SLC7A11: variants seen among roughly 807,000 people sequenced by gnomAD.
The protein encoded by SLC7A11 is cystine/glutamate transporter.
SLC7A11 carries 35 observed loss-of-function variants against 54.5 expected under a neutral mutation model. The ratio of observed to expected loss-of-function variants is 0.64; its 90% CI spans 0.49 to 0.85. The LOEUF is 0.85. Ranked by LOEUF, SLC7A11 falls within the 40% of genes least tolerant of loss-of-function variation. SLC7A11 has a pLI of 0.00. For missense variants in SLC7A11, 583 were observed against 618.1 expected, an observed-to-expected ratio of 0.94 and a Z score of 0.60; for synonymous variants, 230 against 225.2, an observed-to-expected ratio of 1.02 and a Z score of -0.19.
chr4:138,195,203 G>A (rs1304718050), intron 6 of SLC7A11, among the ~76,000 whole-genome samples: 1 of 152,152 alleles, frequency 6.6e-6, no homozygotes, highest in Non-Finnish European at 1.5e-5. Context: ...GGCTGTCTGT[G>A]GGATCAGGTC....
At chr4:138,197,007 A>T (rs527252458) in intron 6 of SLC7A11, among the ~76,000 whole-genome samples, 2 of 152,334 alleles carry the variant, frequency 1.3e-5, no homozygotes, top group Admixed American at 6.5e-5. Context: ...TAAGAATTTC[A>T]TTAAAATTTG....
chr4:138,220,790 G>A (rs535174708), intron 4 of SLC7A11, among the ~76,000 whole-genome samples: 152 of 152,298 alleles, frequency 1.0e-3, no homozygotes, highest in Non-Finnish European at 1.9e-3. Flanking sequence ...TGGATGATGT[G>A]TATGAGACAC....
intron 1 of SLC7A11, among the ~76,000 whole-genome samples, chr4:138,239,165 T>C (rs1280711781): frequency 6.6e-6 from 1 of 152,170 alleles, no homozygotes; most frequent in Non-Finnish European, 1.5e-5. Context: ...GGATCCAATA[T>C]AAAATGTTAT....
At chr4:138,177,940 A>G (rs1002351998) in intron 11 of SLC7A11, 1 of 152,130 alleles carries the variant, frequency 6.6e-6, no homozygotes, top group East Asian at 1.9e-4. Flanking sequence ...ACCAAAGTCA[A>G]TATTCTGTCT....
intron 2 of SLC7A11, among the ~76,000 whole-genome samples, chr4:138,233,503 T>G (rs371142372): frequency 6.6e-6 from 1 of 152,116 alleles, no homozygotes; most frequent in Non-Finnish European, 1.5e-5. Context: ...TAATTTCTTA[T>G]GCCAAACTTC....
In SLC7A11 at chr4:138,189,318, G is replaced by T. The variant is rs75855855; in HGVS notation, c.792-4074C>A. Among the ~76,000 whole-genome samples, 500 of 152,154 alleles carry T rather than the reference G, an allele frequency of 3.3e-3. 5 individuals carry two copies. The East Asian group carries it at 0.046, about 14-fold the overall frequency. On this transcript the variant is annotated intron_variant, in intron 6 of 11. Transcript: ENST00000280612. The stretch of plus-strand genomic sequence containing the variant: ...CGTTTGTGGAATGAGAAGGAGCATG[G>T]GCAAACAAAATTTACAACAACCCAT...
chr4:138,224,504 A>C lies in SLC7A11; in HGVS notation c.521-1180T>G, dbSNP rs186898818. On this transcript the variant is annotated intron_variant, in intron 3 of 11. Transcript: ENST00000280612. Reference sequence around the variant, plus strand: ...TTGGAAGTTTTCCTTATATATAGTAATGAGTCCGCCTCACAGTTTTCACTG... The same window carrying C: ...TTGGAAGTTTTCCTTATATATAGTACTGAGTCCGCCTCACAGTTTTCACTG... Among the ~76,000 whole-genome samples, 275 of 152,238 alleles carry C rather than the reference A, an allele frequency of 1.8e-3. 2 individuals carry two copies. The highest frequency in any genetic ancestry group is 6.1e-3 in the African/African-American group (253 of 41,546).
chr4:138,229,012 A>G (rs1365747718), intron 3 of SLC7A11, among the ~76,000 whole-genome samples: 1 of 152,104 alleles, frequency 6.6e-6, no homozygotes, highest in Non-Finnish European at 1.5e-5. Context: ...TCCCATTATC[A>G]TCTCTCAAAT....
rs900684040 is a variant in SLC7A11, at chr4:138,172,006, T to C, written c.1456A>G (p.Arg486Gly). 7.5e-6 allele frequency: 12 copies of C among 1,594,334 alleles called. No homozygotes were observed. Among genetic ancestry groups the C allele is most frequent in the Non-Finnish European group, 8.5e-6 (10 of 1,173,536 alleles). ...ACTTCCAGTATTATTTGTAATGTTC[T>C]GGTTATTTTCTCTACAAAGAAATAA... ...WFRIMSEKITRTLQIILEVVP... is the reference protein window; with the variant it reads ...WFRIMSEKITGTLQIILEVVP... Residue 486 changes from arginine to glycine, a missense_variant, in exon 12 of 12, where the codon AGA (arginine) becomes GGA (glycine). Physicochemically the swap from Arg to Gly is moderately radical, Grantham distance 125. Coordinates refer to ENST00000280612, the MANE Select transcript of SLC7A11 (RefSeq NM_014331.4).
intron 10 of SLC7A11, 140 bp from the exon 11 acceptor site, chr4:138,179,534 TTAG>T: frequency 3.2e-6 from 2 of 629,858 alleles, no homozygotes; most frequent in Non-Finnish European, 5.5e-6. Flanking sequence ...CCAACGTGCC[TTAG>T]TAGCAAAATC....
chr4:138,242,220 G>T lies in SLC7A11; in HGVS notation c.-151C>A. ...TGTTCACAGGTGAAAACTCAAAGGT[G>T]TGCTTTTTCCTTCACAGCGATCTAA... On this transcript the variant is annotated 5_prime_UTR_variant, in exon 1 of 12. Transcript: ENST00000280612. 1.1e-6 allele frequency: 1 copy of T among 874,024 alleles called. No homozygotes were observed. Among genetic ancestry groups the T allele is most frequent in the Non-Finnish European group, 1.7e-6 (1 of 582,174 alleles). The allele number at this position is 874,024 out of a possible 1,614,324, so 54.1% of individuals were successfully genotyped here.
intron 10 of SLC7A11, among the ~76,000 whole-genome samples, chr4:138,179,851 C>A (rs1736677594): frequency 6.6e-6 from 1 of 152,070 alleles, no homozygotes; most frequent in Non-Finnish European, 1.5e-5. Context: ...TTGAGATCCA[C>A]AATAATAACT....
At chr4:138,219,910 C>CA (rs1350987126) in intron 4 of SLC7A11, among the ~76,000 whole-genome samples, 19 of 151,108 alleles carry the variant, frequency 1.3e-4, no homozygotes, top group Non-Finnish European at 2.5e-4. Flanking sequence ...ATCCTGAAGA[C>CA]CATGTGTGTC....
chr4:138,229,172 C>T (rs143223633), intron 3 of SLC7A11, among the ~76,000 whole-genome samples: 3 of 152,280 alleles, frequency 2.0e-5, no homozygotes, highest in African/African-American at 7.2e-5. Context: ...GCAATTCATG[C>T]AATTCAACTC....
chr4:138,173,758 TA>T (rs1041248605), intron 11 of SLC7A11, among the ~76,000 whole-genome samples: 3 of 152,116 alleles, frequency 2.0e-5, no homozygotes, highest in Non-Finnish European at 4.4e-5. Context: ...CGGTAAATTA[TA>T]AACTCTGAGT....
intron 3 of SLC7A11, among the ~76,000 whole-genome samples, chr4:138,231,960 T>C (rs1160345769): frequency 2.0e-5 from 3 of 152,170 alleles, no homozygotes; most frequent in Non-Finnish European, 4.4e-5. Flanking sequence ...ATTCAAGTAG[T>C]CTCTAAAATA....
At chr4:138,226,235 T>TGCCTCAAAA (rs756996935) in intron 3 of SLC7A11, among the ~76,000 whole-genome samples, 1 of 152,028 alleles carries the variant, frequency 6.6e-6, no homozygotes, top group South Asian at 2.1e-4. Flanking sequence ...TAGAAAACAG[T>TGCCTCAAAA]ATGGAAGTGT....
chr4:138,179,191 G>A, intron 11 of SLC7A11, 26 bp downstream of exon 11: 1 of 1,504,082 alleles, frequency 6.6e-7, no homozygotes, highest in Non-Finnish European at 9.2e-7. Flanking sequence ...GTTGCACAAT[G>A]TCCTGAAAGT....
chr4:138,231,983 T>C (rs1468858415), intron 3 of SLC7A11, among the ~76,000 whole-genome samples: 1 of 152,194 alleles, frequency 6.6e-6, no homozygotes, highest in Non-Finnish European at 1.5e-5. Context: ...TGGGGTTTTC[T>C]CTTTAAAAGT....
Sources: gnomAD v4.1 joint callset for allele counts (sites outside exome capture counted in the v4.1 genomes callset) on GRCh38, gnomAD v4.1.1 for gene constraint, MANE v1.5 for transcripts, NCBI Gene and HGNC (gene_info 2026-07-23, HGNC 2026-07-21) for gene names.